CMSS1: variants seen among roughly 807,000 people sequenced by gnomAD.
The protein encoded by CMSS1 is cms1 ribosomal small subunit homolog.
In CMSS1, 33 loss-of-function variants were observed where a neutral mutation model predicts 43.5. That is an observed-to-expected ratio of 0.76 (90% CI 0.57 to 1.01). The LOEUF (loss-of-function observed/expected upper bound fraction) is 1.01. CMSS1 is among the 50% of genes least tolerant of loss of function. CMSS1 has a pLI of 0.00. For synonymous variants in CMSS1, 115 were observed against 117.2 expected, an observed-to-expected ratio of 0.98 and a Z score of 0.12; for missense variants, 313 against 326.4, an observed-to-expected ratio of 0.96 and a Z score of 0.32.
At chr3:99,877,310 C>T in intron 1 of CMSS1, among the ~76,000 whole-genome samples, 1 of 152,092 alleles carries the variant, frequency 6.6e-6, no homozygotes, top group East Asian at 1.9e-4. Flanking sequence ...TTATTGTTTC[C>T]ATATGTTTTG....
chr3:99,943,486 C>T (rs2107679168), intron 1 of CMSS1, among the ~76,000 whole-genome samples: 2 of 152,264 alleles, frequency 1.3e-5, no homozygotes, highest in Admixed American at 1.3e-4. Context: ...GGTGGATCAT[C>T]TGAGGTCAGG....
intron 1 of CMSS1, among the ~76,000 whole-genome samples, chr3:100,123,723 C>T (rs993416977): frequency 2.0e-5 from 3 of 152,132 alleles, no homozygotes; most frequent in African/African-American, 7.2e-5. Flanking sequence ...TTTCTCTCTG[C>T]CTGATGATTA....
At chr3:99,855,978 T>TA (rs1943943193) in intron 1 of CMSS1, among the ~76,000 whole-genome samples, 1 of 152,230 alleles carries the variant, frequency 6.6e-6, no homozygotes, top group African/African-American at 2.4e-5. Flanking sequence ...ATCCCTCTGG[T>TA]ACCCATCTCA....
chr3:99,859,108 AAT>A (rs1432112056), intron 1 of CMSS1, among the ~76,000 whole-genome samples: 49 of 152,360 alleles, frequency 3.2e-4, no homozygotes, highest in African/African-American at 1.2e-3. Flanking sequence ...TTGAAACTCC[AAT>A]TTGAAATAAG....
intron 1 of CMSS1, chr3:99,849,753 G>A: frequency 6.2e-7 from 1 of 1,613,694 alleles, no homozygotes; most frequent in East Asian, 2.2e-5. Context: ...TGGCTTTCAT[G>A]TCCTTTAGCT....
chr3:100,118,459 C>A (rs904140399), intron 1 of CMSS1, among the ~76,000 whole-genome samples: 3 of 152,100 alleles, frequency 2.0e-5, no homozygotes, highest in African/African-American at 7.2e-5. Context: ...AGTTACAGGA[C>A]AGCTTTTCAC....
intron 1 of CMSS1, among the ~76,000 whole-genome samples, chr3:99,988,971 T>C (rs1312463095): frequency 6.6e-6 from 1 of 152,220 alleles, no homozygotes; most frequent in Non-Finnish European, 1.5e-5. Context: ...GTAGTGTGAC[T>C]GTGTCTATAC....
At chr3:100,176,254 G>A (rs1452906288) in intron 8 of CMSS1, 73 bp from the exon 9 acceptor site, 1 of 1,053,244 alleles carries the variant, frequency 9.5e-7, no homozygotes, top group Non-Finnish European at 1.5e-6. Flanking sequence ...GTAACCCGGA[G>A]AATAAAAAAT....
At chr3:99,898,710 G>A in intron 1 of CMSS1, 1 of 156,302 alleles carries the variant, frequency 6.4e-6, no homozygotes. Context: ...AGATTGCAGT[G>A]AGCCAAGATC....
intron 1 of CMSS1, among the ~76,000 whole-genome samples, chr3:100,123,657 A>C (rs1459178900): frequency 6.6e-6 from 1 of 152,186 alleles, no homozygotes; most frequent in African/African-American, 2.4e-5. Flanking sequence ...CATGGACTGT[A>C]GGCAGCCTAT....
chr3:99,823,934 T>G (rs562919769), intron 1 of CMSS1, among the ~76,000 whole-genome samples: 1 of 151,426 alleles, frequency 6.6e-6, no homozygotes, highest in Admixed American at 6.6e-5. Flanking sequence ...TCTTTTTTTT[T>G]TTTTTTGAGC....
intron 1 of CMSS1, among the ~76,000 whole-genome samples, chr3:99,845,409 G>A (rs546624389): frequency 6.6e-6 from 1 of 152,228 alleles, no homozygotes; most frequent in African/African-American, 2.4e-5. Context: ...TGAAAGAATG[G>A]TATGAGTTTT....
chr3:99,910,737 T>TA (rs1240238312), intron 1 of CMSS1, among the ~76,000 whole-genome samples: 1 of 83,850 alleles, frequency 1.2e-5, no homozygotes, highest in Non-Finnish European at 3.2e-5. Context: ...TAGTTACCCA[T>TA]ACTCTTCTCA....
intron 1 of CMSS1, among the ~76,000 whole-genome samples, chr3:100,012,761 C>CTTTT (rs35737304): frequency 4.3e-5 from 4 of 93,614 alleles, no homozygotes; most frequent in Non-Finnish European, 6.9e-5. Context: ...GAAGCATATT[C>CTTTT]TTTTTTTTTT....
intron 1 of CMSS1, among the ~76,000 whole-genome samples, chr3:100,144,637 A>C (rs1254120351): frequency 6.6e-6 from 1 of 152,126 alleles, no homozygotes; most frequent in Non-Finnish European, 1.5e-5. Flanking sequence ...GGTGGTGAGG[A>C]TGAGGTCATA....
chr3:100,152,909 ATTC>A (rs960175644), intron 2 of CMSS1, among the ~76,000 whole-genome samples: 1 of 152,200 alleles, frequency 6.6e-6, no homozygotes, highest in African/African-American at 2.4e-5. Context: ...GTTCAAGCGC[ATTC>A]TTCATCAATC....
intron 1 of CMSS1, among the ~76,000 whole-genome samples, chr3:100,013,787 C>G (rs767134466): frequency 2.0e-5 from 3 of 152,114 alleles, no homozygotes; most frequent in Middle Eastern, 6.3e-3. Context: ...TCCAGCTAAT[C>G]AACATATTCA....
At chr3:99,986,530 T>C (rs1709347109) in intron 1 of CMSS1, among the ~76,000 whole-genome samples, 1 of 152,228 alleles carries the variant, frequency 6.6e-6, no homozygotes, top group Admixed American at 6.5e-5. Flanking sequence ...ACAGGGCTTA[T>C]ATGAGGTTGG....
At chr3:100,057,262 A>C (rs887928181) in intron 1 of CMSS1, among the ~76,000 whole-genome samples, 8 of 152,186 alleles carry the variant, frequency 5.3e-5, no homozygotes, top group African/African-American at 1.9e-4. Flanking sequence ...CCAAGAGTCT[A>C]ATCTTTCTGC....
Sources: gnomAD v4.1 joint callset for allele counts (sites outside exome capture counted in the v4.1 genomes callset) on GRCh38, gnomAD v4.1.1 for gene constraint, MANE v1.5 for transcripts, NCBI Gene and HGNC (gene_info 2026-07-23, HGNC 2026-07-21) for gene names.